Variants in SH3BP4 observed in about 807,000 individuals in gnomAD.
SH3BP4 encodes SH3 domain binding protein 4.
A neutral mutation model predicts 65.5 loss-of-function variants in SH3BP4; 33 were observed. The ratio of observed to expected loss-of-function variants is 0.50; its 90% CI spans 0.38 to 0.67. The LOEUF (loss-of-function observed/expected upper bound fraction) is 0.67, where lower values mean the gene tolerates loss of function less well. Among genes scored for constraint, SH3BP4 ranks in the 30% least tolerant of loss-of-function variants. The pLI is 0.00. For missense variants in SH3BP4, 1,134 were observed against 1,261.4 expected (o/e 0.90, Z 1.53); for synonymous variants, 552 against 545.5 (o/e 1.01, Z -0.17).
chr2:235,009,459 G>A lies in SH3BP4; in HGVS notation c.-133+14083G>A, dbSNP rs533382000. On this transcript the variant is annotated intron_variant, in intron 2 of 5. Transcript: ENST00000392011. ...TGGTGTGCCTGGGACCCTGGAGGAC[G>A]GAGCTCCTAGGTCATTGTGTCTAAG... is the stretch of plus-strand genomic sequence containing the variant. Among the ~76,000 whole-genome samples the A allele has an allele frequency of 9.9e-5, 15 of 152,284 alleles. No individual in the cohort carries two copies. In the East Asian group the frequency reaches 2.3e-3, roughly 24 times the overall value.
rs1029963729 is a variant in SH3BP4, at chr2:235,034,250, A to G, written c.-132-621A>G. 1.1e-4 allele frequency among the ~76,000 whole-genome samples: 16 copies of G among 152,226 alleles called. No homozygotes were observed. Among genetic ancestry groups the G allele is most frequent in the Admixed American group, 4.6e-4 (7 of 15,288 alleles). Reference sequence around the variant, plus strand: ...CTGCTTAGTAACAGTGGTTCAGTAAATATGCCCTGGTTTCATCTGCATACG... The same window carrying G: ...CTGCTTAGTAACAGTGGTTCAGTAAGTATGCCCTGGTTTCATCTGCATACG... On this transcript the variant is annotated intron_variant, in intron 2 of 5. Transcript: ENST00000392011. This position sits in a 1 kb window ranked among gnomAD's most constrained non-coding sequence, Gnocchi z 6.2.
intron 1 of SH3BP4, among the ~76,000 whole-genome samples, chr2:234,968,911 A>AT (rs1428702101): frequency 6.6e-6 from 1 of 152,068 alleles, no homozygotes; most frequent in African/African-American, 2.4e-5. Flanking sequence ...TGTGCAAGTG[A>AT]TTCTTTCTGC....
chr2:234,962,294 G>A (rs1210711916), intron 1 of SH3BP4, among the ~76,000 whole-genome samples: 5 of 151,688 alleles, frequency 3.3e-5, no homozygotes, highest in African/African-American at 4.8e-5. Context: ...ATGCCACCAC[G>A]CTCGGGTAAT....
chr2:234,992,837 G>T (rs58649890), intron 1 of SH3BP4, among the ~76,000 whole-genome samples: 1 of 146,928 alleles, frequency 6.8e-6, no homozygotes, highest in South Asian at 2.2e-4. Context: ...AGATGGACAC[G>T]TTCCTGCCGT....
At position 234,967,221 on chromosome 2, in the gene SH3BP4, G is replaced by T. The variant is rs551326284; in HGVS notation, c.-207+15051G>T. ...TGATACTGTTCTCCCCTACACGGGG[G>T]GCCAGGTCTCAATTCCAGGGTGAAC... On this transcript the variant is annotated intron_variant, in intron 1 of 5. Coordinates refer to ENST00000392011, the MANE Select transcript of SH3BP4 (RefSeq NM_014521.3). This position sits in a 1 kb window ranked among gnomAD's most constrained non-coding sequence, Gnocchi z 4.6. Among the ~76,000 whole-genome samples the T allele has an allele frequency of 6.6e-6, 1 of 152,168 alleles. No homozygotes were observed. Among genetic ancestry groups the T allele is most frequent in the African/African-American group, 2.4e-5 (1 of 41,430 alleles).
chr2:235,041,092 A>G lies in SH3BP4; in HGVS notation c.323A>G (p.Tyr108Cys), dbSNP rs914822651. The change falls in exon 4 of 6, where the codon TAT becomes TGT. Residue 108 changes from tyrosine to cysteine, a missense_variant. By Grantham distance (194) the Tyr-to-Cys change is radical. Transcript: ENST00000392011. This position sits in a 1 kb window ranked among gnomAD's most constrained non-coding sequence, Gnocchi z 6.0. ...GAAATGGGCTACATCCCCTCCTCCT[A>G]TGTGCAGCCCTTGAACTACCGGAAC... The part of the protein sequence containing the change: ...TTEMGYIPSS[Y>C]VQPLNYRNST... 5 of 1,613,888 alleles carry G rather than the reference A, an allele frequency of 3.1e-6. No homozygotes were observed. The highest frequency in any genetic ancestry group is 3.3e-5 in the Admixed American group (2 of 59,990).
At chr2:234,971,261 T>C (rs1214709212) in intron 1 of SH3BP4, among the ~76,000 whole-genome samples, 1 of 152,236 alleles carries the variant, frequency 6.6e-6, no homozygotes. Flanking sequence ...ATATTTGTCT[T>C]TTTGTGATTG....
chr2:234,959,450 A>G (rs1314872783), intron 1 of SH3BP4, among the ~76,000 whole-genome samples: 9 of 152,170 alleles, frequency 5.9e-5, no homozygotes, highest in African/African-American at 1.4e-4. Context: ...GACAACTCCA[A>G]TATTCTCTTC....
rs149031593 is a variant in SH3BP4, at chr2:235,042,962, G to A, written c.2193G>A (p.Ser731=). The change falls in exon 4 of 6, where the codon TCG becomes TCA. Residue 731 remains serine (S), a synonymous_variant. Transcript: ENST00000392011. This position sits in a 1 kb window ranked among gnomAD's most constrained non-coding sequence, Gnocchi z 7.3. ...VVGRARPSLC[S]GPELSTSVLL... Reference sequence around the variant, plus strand: ...GCAGGGCCCGGCCCAGCCTGTGCTCGGGCCCCGAGCTGAGCACCTCGGTGC... The same window carrying A: ...GCAGGGCCCGGCCCAGCCTGTGCTCAGGCCCCGAGCTGAGCACCTCGGTGC... 15 of 1,612,992 alleles carry A rather than the reference G, an allele frequency of 9.3e-6. No individual in the cohort carries two copies. Among genetic ancestry groups the A allele is most frequent in the East Asian group, 4.5e-5 (2 of 44,834 alleles).
intron 1 of SH3BP4, among the ~76,000 whole-genome samples, chr2:234,954,844 A>ACCC (rs1692552399): frequency 6.6e-6 from 1 of 151,940 alleles, no homozygotes; most frequent in Non-Finnish European, 1.5e-5. Context: ...GGAGCTTCTT[A>ACCC]CAGAGCCCTT....
chr2:235,031,350 CA>C, intron 2 of SH3BP4, among the ~76,000 whole-genome samples: 1 of 152,184 alleles, frequency 6.6e-6, no homozygotes, highest in African/African-American at 2.4e-5. Flanking sequence ...CAATAATAAA[CA>C]CACACACTGG....
At chr2:235,019,052 G>A (rs939314544) in intron 2 of SH3BP4, among the ~76,000 whole-genome samples, 5 of 152,238 alleles carry the variant, frequency 3.3e-5, no homozygotes, top group East Asian at 1.9e-4. Context: ...GGGTCCTGGG[G>A]CAGGAACAGT....
intron 2 of SH3BP4, among the ~76,000 whole-genome samples, chr2:235,027,768 CAGG>C (rs1024468640): frequency 6.6e-6 from 1 of 152,228 alleles, no homozygotes; most frequent in African/African-American, 2.4e-5. Flanking sequence ...TTCGTGGCCG[CAGG>C]AGAACGGAGG....
chr2:234,953,376 C>A (rs1692519989), intron 1 of SH3BP4, among the ~76,000 whole-genome samples: 3 of 152,176 alleles, frequency 2.0e-5, no homozygotes. Context: ...CTGAATGCAG[C>A]CGCCCCTTCT....
chr2:235,031,158 C>G (rs1335440040), intron 2 of SH3BP4, among the ~76,000 whole-genome samples: 1 of 152,108 alleles, frequency 6.6e-6, no homozygotes, highest in Non-Finnish European at 1.5e-5. Context: ...GGGAGTGGGA[C>G]TTCCCTGCTT....
At position 235,055,423 on chromosome 2, in the gene SH3BP4, C is replaced by T. The variant is rs1696194351; in HGVS notation, c.*1607C>T. On this transcript the variant is annotated 3_prime_UTR_variant, in exon 6 of 6. Transcript: ENST00000392011. ...TGCAAGAACCAGGACACACAATTCGCCAATCATCCCACCATATAACCTTCG... is the reference window on the plus strand; with the variant it reads ...TGCAAGAACCAGGACACACAATTCGTCAATCATCCCACCATATAACCTTCG... 6.6e-6 allele frequency: 1 copy of T among 152,600 alleles called. No individual in the cohort carries two copies. Among genetic ancestry groups the T allele is most frequent in the Non-Finnish European group, 1.5e-5 (1 of 68,036 alleles). 9.5% of individuals were successfully genotyped at this position (152,600 alleles called of 1,614,324 possible). A position where few individuals can be genotyped will look rare whatever the true frequency, so the allele number is the denominator to read the frequency against.
intron 2 of SH3BP4, chr2:234,995,778 G>A (rs1474365813): frequency 6.6e-6 from 1 of 152,406 alleles, no homozygotes; most frequent in African/African-American, 2.4e-5. Flanking sequence ...GCAGCCGCGG[G>A]ACAGAGCCCA....
intron 1 of SH3BP4, among the ~76,000 whole-genome samples, chr2:234,991,000 AT>A (rs1323816223): frequency 1.3e-5 from 2 of 152,118 alleles, no homozygotes; most frequent in Non-Finnish European, 2.9e-5. Flanking sequence ...ACTGGGTCAT[AT>A]TGGACTGGGG....
In SH3BP4 at chr2:235,045,942, G is replaced by T. The variant is rs1695844439; in HGVS notation, c.2478+2695G>T. ...TGTGCAGGGAGATGGGAAGGAAAAA[G>T]GAGTCAAATGAGACCTGGGTTGTTC... On this transcript the variant is annotated intron_variant, in intron 4 of 5. Coordinates refer to ENST00000392011, the MANE Select transcript of SH3BP4 (RefSeq NM_014521.3). This position sits in a 1 kb window ranked among gnomAD's most constrained non-coding sequence, Gnocchi z 4.3. 6.6e-6 allele frequency among the ~76,000 whole-genome samples: 1 copy of T among 152,166 alleles called. No individual in the cohort carries two copies. Among genetic ancestry groups the T allele is most frequent in the Admixed American group, 6.5e-5 (1 of 15,276 alleles).
Sources: gnomAD v4.1 joint callset for allele counts (sites outside exome capture counted in the v4.1 genomes callset) on GRCh38, gnomAD v4.1.1 for gene constraint, Gnocchi (gnomAD v3.1) non-coding constraint, MANE v1.5 for transcripts, NCBI Gene and HGNC (gene_info 2026-07-23, HGNC 2026-07-21) for gene names.